The following CEP112 variants were observed in gnomAD, a reference collection of about 807,000 sequenced individuals.
The protein encoded by CEP112 is centrosomal protein of 112 kDa.
In CEP112, 127 loss-of-function variants were observed where a neutral mutation model predicts 153.0. That is an observed-to-expected ratio of 0.83 (90% CI 0.72 to 0.96). CEP112 has a LOEUF of 0.96. CEP112 is among the 40% of genes least tolerant of loss of function. CEP112 has a pLI of 0.00. For synonymous variants in CEP112, 358 were observed against 374.4 expected (o/e 0.96, Z 0.51); for missense variants, 1,089 against 1,101.2 (o/e 0.99, Z 0.16).
intron 24 of CEP112, chr17:65,661,953 T>C (rs1428797263): frequency 1.5e-5 from 2 of 131,828 alleles, no homozygotes; most frequent in East Asian, 4.4e-4. Flanking sequence ...TGTGTGTATA[T>C]ATATGTTTAT....
At chr17:65,865,151 C>A (rs2058442951) in intron 20 of CEP112, among the ~76,000 whole-genome samples, 1 of 152,022 alleles carries the variant, frequency 6.6e-6, no homozygotes, top group South Asian at 2.1e-4. Flanking sequence ...AAGCGATCCT[C>A]CCACCTCAGC....
chr17:65,849,078 T>TCA (rs1186669108), intron 21 of CEP112, among the ~76,000 whole-genome samples: 1 of 152,190 alleles, frequency 6.6e-6, no homozygotes, highest in Non-Finnish European at 1.5e-5. Context: ...AAAATGCTTA[T>TCA]CACAGCTTTG....
chr17:65,745,394 T>G (rs1468510024), intron 22 of CEP112, among the ~76,000 whole-genome samples: 1 of 152,218 alleles, frequency 6.6e-6, no homozygotes, highest in Non-Finnish European at 1.5e-5. Context: ...CTCATAGCAC[T>G]TCTGTGAAAC....
intron 23 of CEP112, among the ~76,000 whole-genome samples, chr17:65,716,053 A>G (rs2049490209): frequency 6.6e-6 from 1 of 152,222 alleles, no homozygotes; most frequent in Non-Finnish European, 1.5e-5. Context: ...AAATGTACTG[A>G]GTACTTATAC....
intron 8 of CEP112, among the ~76,000 whole-genome samples, chr17:66,071,163 T>C (rs908114361): frequency 6.6e-6 from 1 of 152,132 alleles, no homozygotes; most frequent in Non-Finnish European, 1.5e-5. Flanking sequence ...TAAACATATA[T>C]ATCATATTAA....
chr17:65,721,973 G>A (rs2049914780), intron 23 of CEP112, among the ~76,000 whole-genome samples: 1 of 152,178 alleles, frequency 6.6e-6, no homozygotes, highest in South Asian at 2.1e-4. Flanking sequence ...TGCTTGAATT[G>A]CAAGGAACCA....
intron 20 of CEP112, among the ~76,000 whole-genome samples, chr17:65,861,917 T>C (rs540602406): frequency 6.6e-6 from 1 of 152,354 alleles, no homozygotes; most frequent in Non-Finnish European, 1.5e-5. Context: ...TGCCCAATAA[T>C]GTACACAGCA....
intron 23 of CEP112, among the ~76,000 whole-genome samples, chr17:65,701,895 T>TTG (rs2048654121): frequency 6.6e-6 from 1 of 150,874 alleles, no homozygotes; most frequent in African/African-American, 2.4e-5. Context: ...TCTTTTTTTT[T>TTG]TTGTTTTTTT....
chr17:65,881,019 A>G (rs2059046551), intron 20 of CEP112, among the ~76,000 whole-genome samples: 1 of 152,192 alleles, frequency 6.6e-6, no homozygotes, highest in South Asian at 2.1e-4. Flanking sequence ...GATCCAGACC[A>G]TCCTGGCTGA....
chr17:65,859,687 A>G (rs1468832033), intron 20 of CEP112, among the ~76,000 whole-genome samples: 1 of 150,720 alleles, frequency 6.6e-6, no homozygotes, highest in African/African-American at 2.4e-5. Flanking sequence ...CATCACTTGT[A>G]TTCACAAGTG....
At chr17:65,877,375 C>G (rs1185176440) in intron 20 of CEP112, among the ~76,000 whole-genome samples, 1 of 152,008 alleles carries the variant, frequency 6.6e-6, no homozygotes, top group African/African-American at 2.4e-5. Context: ...GTGCTGTAGA[C>G]TCCCTTTCTT....
chr17:65,689,694 A>T (rs2048001841), intron 23 of CEP112, among the ~76,000 whole-genome samples: 2 of 152,288 alleles, frequency 1.3e-5, no homozygotes, highest in South Asian at 4.1e-4. Flanking sequence ...ATTTCTTTAT[A>T]AAGTCAGAGA....
chr17:66,103,333 T>G (rs1388869821), intron 6 of CEP112, among the ~76,000 whole-genome samples: 1 of 151,842 alleles, frequency 6.6e-6, no homozygotes. Flanking sequence ...AGTGGAATCC[T>G]AAACAGCATT....
intron 21 of CEP112, among the ~76,000 whole-genome samples, chr17:65,844,972 C>T (rs1032049060): frequency 2.6e-4 from 39 of 151,598 alleles, no homozygotes; most frequent in African/African-American, 9.2e-4. Context: ...GAGATTGTGC[C>T]ACTGCACTTC....
At chr17:65,778,828 T>C (rs1484854039) in intron 21 of CEP112, among the ~76,000 whole-genome samples, 1 of 152,114 alleles carries the variant, frequency 6.6e-6, no homozygotes, top group East Asian at 1.9e-4. Flanking sequence ...AAATTGGACA[T>C]AAATTTACCC....
intron 23 of CEP112, among the ~76,000 whole-genome samples, chr17:65,690,259 C>T (rs1598321968): frequency 6.6e-6 from 1 of 151,324 alleles, no homozygotes; most frequent in East Asian, 1.9e-4. Flanking sequence ...ATCTTTTCTA[C>T]AATTTTTTAA....
intron 16 of CEP112, among the ~76,000 whole-genome samples, chr17:66,018,251 A>G (rs2064854430): frequency 6.6e-6 from 1 of 152,224 alleles, no homozygotes; most frequent in South Asian, 2.1e-4. Flanking sequence ...AGAATTTGCT[A>G]TAAATAATTG....
chr17:65,642,230 G>A (rs544278781), intron 24 of CEP112, among the ~76,000 whole-genome samples: 2 of 152,286 alleles, frequency 1.3e-5, no homozygotes, highest in African/African-American at 4.8e-5. Context: ...CATGTGCTGT[G>A]CATGACTTAA....
At chr17:65,793,900 T>G (rs990902227) in intron 21 of CEP112, among the ~76,000 whole-genome samples, 2 of 152,242 alleles carry the variant, frequency 1.3e-5, no homozygotes, top group African/African-American at 4.8e-5. Context: ...CTTATTTCTC[T>G]GTGAGTGCCC....
Sources: gnomAD v4.1 joint callset for allele counts (sites outside exome capture counted in the v4.1 genomes callset) on GRCh38, gnomAD v4.1.1 for gene constraint, MANE v1.5 for transcripts, NCBI Gene and HGNC (gene_info 2026-07-23, HGNC 2026-07-21) for gene names.